The following PCDHA2 variants were observed in gnomAD, a reference collection of about 807,000 sequenced individuals.
PCDHA2 encodes the protein protocadherin alpha 2, also known as protocadherin alpha-2.
Under a neutral mutation model 66.0 loss-of-function variants are expected in PCDHA2, and 58 were observed. The ratio of observed to expected loss-of-function variants is 0.88; its 90% CI spans 0.71 to 1.09. The LOEUF is 1.09. PCDHA2 is among the 50% of genes least tolerant of loss of function. The probability of loss-of-function intolerance (pLI) is 0.00; values close to 1 mark genes in which losing one functional copy is unlikely to be tolerated. For synonymous variants in PCDHA2, 634 were observed against 554.0 expected (o/e 1.14, Z -2.03); for missense variants, 1,267 against 1,242.3 (o/e 1.02, Z -0.30).
intron 1 of PCDHA2, chr5:140,929,032 T>C (rs781951889): frequency 1.9e-6 from 3 of 1,614,236 alleles, no homozygotes; most frequent in East Asian, 2.2e-5. Flanking sequence ...CCCAGGCTGT[T>C]GCGCTCAGAG....
At chr5:140,949,231 C>G (rs971361200) in intron 1 of PCDHA2, among the ~76,000 whole-genome samples, 11 of 151,628 alleles carry the variant, frequency 7.3e-5, no homozygotes, top group African/African-American at 2.4e-4. Flanking sequence ...TGTTCTGTGG[C>G]CCAGCAACAG....
At chr5:140,862,766 A>T (rs781899169) in intron 1 of PCDHA2, 1 of 576,266 alleles carries the variant, frequency 1.7e-6, no homozygotes, top group Non-Finnish European at 3.3e-6. Context: ...GGCAAGAGGT[A>T]CGCGTTGCAG....
intron 1 of PCDHA2, chr5:140,823,845 T>G: frequency 6.2e-7 from 1 of 1,613,850 alleles, no homozygotes; most frequent in Non-Finnish European, 8.5e-7. Context: ...GTCCCGAGGC[T>G]GCCCTGGTGG....
rs2098420299 is a variant in PCDHA2 at position 141,011,351 on chromosome 5, A to G, written c.*1414A>G. The G allele has an allele frequency of 1.3e-5, 2 of 153,694 alleles. No homozygotes were observed. Among genetic ancestry groups the G allele is most frequent in the African/African-American group, 2.4e-5 (1 of 41,410 alleles). 9.5% of individuals were successfully genotyped at this position (153,694 alleles called of 1,614,324 possible). A position where few individuals can be genotyped will look rare whatever the true frequency, so the allele number is the denominator to read the frequency against. On this transcript the variant is annotated 3_prime_UTR_variant, in exon 4 of 4. Transcript: ENST00000526136. ...TGATGTTACCTGAAATCAATCTCCC[A>G]TATGTATGCTGTATGCTATGCTAAG...
At chr5:140,897,467 C>T (rs1427386129) in intron 1 of PCDHA2, among the ~76,000 whole-genome samples, 11 of 151,912 alleles carry the variant, frequency 7.2e-5, no homozygotes, top group Non-Finnish European at 7.4e-5. Flanking sequence ...CGATAGTTTA[C>T]TGAGAATGAT....
intron 1 of PCDHA2, among the ~76,000 whole-genome samples, chr5:140,889,202 T>G (rs1329949873): frequency 6.6e-6 from 1 of 151,910 alleles, no homozygotes; most frequent in Non-Finnish European, 1.5e-5. Context: ...ACTTGAATAC[T>G]TAACAAAGAA....
At position 140,796,469 on chromosome 5, in the gene PCDHA2, G is replaced by C. The variant is rs1762087960; in HGVS notation, c.1505G>C (p.Arg502Pro). 1 of 1,612,176 alleles carries C rather than the reference G, an allele frequency of 6.2e-7. No homozygotes were observed. Among genetic ancestry groups the C allele is most frequent in the South Asian group, 1.1e-5 (1 of 90,996 alleles). The change falls in exon 1 of 4, where the codon CGC (arginine) becomes CCC (proline). Residue 502 changes from arginine (R) to proline (P), a missense_variant. Transcript: ENST00000526136. The stretch of plus-strand genomic sequence containing the variant: ...CTGGTGGAGCGGCGGGTGGGCGAGC[G>C]CGCGTTGTCGAGCTACGTTTCGGTG... Reference protein sequence around the residue: ...YSLVERRVGERALSSYVSVHA... With the variant: ...YSLVERRVGEPALSSYVSVHA...
intron 1 of PCDHA2, chr5:140,870,821 G>T: frequency 1.9e-6 from 3 of 1,613,736 alleles, no homozygotes; most frequent in South Asian, 1.1e-5. Context: ...GGCAGCGCGG[G>T]AGGCGCAGTT....
Position 140,856,070 on chromosome 5 carries a change from C to T in PCDHA2, c.2388+58718C>T. 3.1e-6 allele frequency: 5 copies of T among 1,591,758 alleles called. 1 individual carries two copies. Among genetic ancestry groups the T allele is most frequent in the Non-Finnish European group, 4.3e-6 (5 of 1,163,604 alleles). On this transcript the variant is annotated intron_variant, in intron 1 of 3. Coordinates refer to ENST00000526136, the MANE Select transcript of PCDHA2 (RefSeq NM_018905.3). ...TAAGATGGTTTCCAGATGTAGCTGC[C>T]TGGGGGTCCAGTGTCTGCTGCTCTC...
At chr5:140,932,059 AT>A (rs2087988463) in intron 1 of PCDHA2, among the ~76,000 whole-genome samples, 1 of 151,936 alleles carries the variant, frequency 6.6e-6, no homozygotes, top group Non-Finnish European at 1.5e-5. Context: ...AATACTAAAA[AT>A]TATCAGTTTA....
chr5:140,826,533 T>C (rs1313512596), intron 1 of PCDHA2, among the ~76,000 whole-genome samples: 3 of 152,198 alleles, frequency 2.0e-5, no homozygotes, highest in African/African-American at 7.2e-5. Context: ...AAAAGTCTTA[T>C]TGGTGACTCT....
intron 1 of PCDHA2, among the ~76,000 whole-genome samples, chr5:140,903,809 G>A (rs1004701576): frequency 2.0e-5 from 3 of 152,080 alleles, no homozygotes; most frequent in African/African-American, 7.2e-5. Flanking sequence ...GACAAGTATA[G>A]TTCTCACATG....
intron 3 of PCDHA2, among the ~76,000 whole-genome samples, chr5:141,004,088 T>G (rs797038928): frequency 3.4e-4 from 52 of 152,346 alleles, no homozygotes; most frequent in African/African-American, 1.2e-3. Flanking sequence ...GAAATGTGCT[T>G]CTTCCGTTTT....
rs139811211 is a variant in PCDHA2 at position 140,795,253 on chromosome 5, G to T, written c.289G>T (p.Gly97Trp). 3.1e-6 allele frequency: 5 copies of T among 1,614,142 alleles called. No homozygotes were observed. The highest frequency in any genetic ancestry group is 4.2e-6 in the Non-Finnish European group (5 of 1,180,056). The part of the protein sequence containing the change: ...NSRIDREELC[G>W]RSAECSIHVE... ...TCGGATCGACCGGGAGGAGCTGTGCGGGCGGAGCGCGGAATGTAGCATCCA... is the reference window on the plus strand; with the variant it reads ...TCGGATCGACCGGGAGGAGCTGTGCTGGCGGAGCGCGGAATGTAGCATCCA... Residue 97 changes from glycine to tryptophan, a missense_variant, in exon 1 of 4, where the codon GGG (glycine) becomes TGG (tryptophan). Coordinates refer to ENST00000526136, the MANE Select transcript of PCDHA2 (RefSeq NM_018905.3).
chr5:140,966,436 G>T, intron 1 of PCDHA2: 1 of 421,750 alleles, frequency 2.4e-6, no homozygotes. Flanking sequence ...CCCTCCTACC[G>T]CTCCCTTTCC....
chr5:140,883,530 A>G, intron 1 of PCDHA2: 1 of 1,614,156 alleles, frequency 6.2e-7, no homozygotes. Flanking sequence ...GTATCAGCCT[A>G]TGAACTGGTG....
chr5:140,885,561 T>G (rs1378492280), intron 1 of PCDHA2, among the ~76,000 whole-genome samples: 2 of 152,192 alleles, frequency 1.3e-5, no homozygotes, highest in African/African-American at 4.8e-5. Context: ...TCTACGAAAT[T>G]GATTGTCAGA....
At position 140,797,303 on chromosome 5, in the gene PCDHA2, C is replaced by G. The variant is rs1762209052; in HGVS notation, c.2339C>G (p.Pro780Arg). The G allele has an allele frequency of 1.9e-6, 3 of 1,614,212 alleles. 1 individual carries two copies. In the South Asian group the frequency reaches 3.3e-5, roughly 18 times the overall value. The change falls in exon 1 of 4, where the codon CCA becomes CGA. Residue 780 changes from proline (P) to arginine (R), a missense_variant. Transcript: ENST00000526136. ...MAFSPSLSQGPDSAEEKQLSE... is the reference protein window; with the variant it reads ...MAFSPSLSQGRDSAEEKQLSE... The stretch of plus-strand genomic sequence containing the variant: ...TTCAGCCCTAGCTTATCTCAAGGTC[C>G]AGACTCCGCAGAAGAGAAACAGCTC...
chr5:140,885,638 A>C (rs1490773479), intron 1 of PCDHA2, among the ~76,000 whole-genome samples: 10 of 152,184 alleles, frequency 6.6e-5, no homozygotes, highest in Admixed American at 5.2e-4. Flanking sequence ...ATTGCCTTCC[A>C]AGTATTTTGG....
Sources: allele counts gnomAD v4.1 joint callset (sites outside exome capture counted in the v4.1 genomes callset), GRCh38; gene constraint gnomAD v4.1.1; transcripts MANE v1.5; gene names NCBI Gene and HGNC (gene_info 2026-07-23, HGNC 2026-07-21).